Variants in ALDH18A1 observed in about 807,000 individuals in gnomAD.
ALDH18A1 encodes the protein aldehyde dehydrogenase 18 family member A1.
ALDH18A1 carries 44 observed loss-of-function variants against 88.8 expected under a neutral mutation model. The ratio of observed to expected loss-of-function variants is 0.50; its 90% CI spans 0.39 to 0.64. The LOEUF is 0.64. Ranked by LOEUF, ALDH18A1 falls within the 30% of genes least tolerant of loss-of-function variation. ALDH18A1 has a pLI of 0.00. For missense variants in ALDH18A1, 782 were observed against 1,009.5 expected (o/e 0.77, Z 3.05); for synonymous variants, 331 against 372.1 (o/e 0.89, Z 1.27).
At chr10:95,638,107 A>T (rs1350992499) in intron 3 of ALDH18A1, among the ~76,000 whole-genome samples, 2 of 152,070 alleles carry the variant, frequency 1.3e-5, no homozygotes, top group Non-Finnish European at 2.9e-5. Flanking sequence ...TTGGCTGCCT[A>T]GGCTCAAGTG....
chr10:95,607,268 T>G (rs2097824492), intron 17 of ALDH18A1, among the ~76,000 whole-genome samples: 1 of 152,212 alleles, frequency 6.6e-6, no homozygotes, highest in Non-Finnish European at 1.5e-5. Context: ...ATTTTGACAT[T>G]TGGGCATGTT....
chr10:95,625,989 G>A (rs1419882399), intron 10 of ALDH18A1, among the ~76,000 whole-genome samples: 3 of 151,942 alleles, frequency 2.0e-5, no homozygotes, highest in African/African-American at 7.3e-5. Flanking sequence ...TCAGTCCTAG[G>A]TACTTGAAGA....
chr10:95,615,833 T>C (rs570952502), intron 13 of ALDH18A1, among the ~76,000 whole-genome samples: 1 of 152,342 alleles, frequency 6.6e-6, no homozygotes, highest in East Asian at 1.9e-4. Flanking sequence ...CATGTGACTC[T>C]TGGGGAATTA....
In ALDH18A1 at chr10:95,613,819, C is replaced by T. The variant is rs1481144687; in HGVS notation, c.1846G>A (p.Glu616Lys). ...AGATCCCGGTGGATTAACAAAGTCT[C>T]CAAAGCATTACAGGCAGCTGGATAT... ...CEYPAACNAL[E>K]TLLIHRDLLR... The change falls in exon 15 of 18, where the codon GAG becomes AAG. Residue 616 changes from glutamate (E) to lysine (K), a missense_variant. Around this residue, in one of 3 missense-constraint regions of ALDH18A1, gnomAD observed 556 missense variants for 654.5 expected, o/e 0.85. Transcript: ENST00000371224. 3.1e-6 allele frequency: 5 copies of T among 1,614,082 alleles called. No homozygotes were observed. The highest frequency in any genetic ancestry group is 4.2e-6 in the Non-Finnish European group (5 of 1,180,014).
At chr10:95,656,290 T>C (rs572600057) in intron 1 of ALDH18A1, among the ~76,000 whole-genome samples, 10 of 152,202 alleles carry the variant, frequency 6.6e-5, no homozygotes, top group Admixed American at 6.5e-4. Flanking sequence ...GTTCCTTACA[T>C]GGTGTACCCA....
intron 12 of ALDH18A1, among the ~76,000 whole-genome samples, chr10:95,618,997 G>T (rs1404692238): frequency 1.3e-5 from 2 of 152,184 alleles, no homozygotes; most frequent in African/African-American, 4.8e-5. Context: ...AACAACCTGA[G>T]AATAAAGTCT....
At chr10:95,651,848 A>G (rs889467439) in intron 2 of ALDH18A1, among the ~76,000 whole-genome samples, 1 of 152,236 alleles carries the variant, frequency 6.6e-6, no homozygotes, top group Non-Finnish European at 1.5e-5. Flanking sequence ...ATGTAGCTAC[A>G]ATCTGACCCA....
At position 95,625,350 on chromosome 10, in the gene ALDH18A1, C is replaced by T; in HGVS notation, c.1246+12G>A. The T allele has an allele frequency of 1.9e-6, 3 of 1,612,700 alleles. No homozygotes were observed. Among genetic ancestry groups the T allele is most frequent in the Non-Finnish European group, 2.5e-6 (3 of 1,178,798 alleles). On this transcript the variant is annotated intron_variant, in intron 11 of 17. Coordinates refer to ENST00000371224, the MANE Select transcript of ALDH18A1 (RefSeq NM_002860.4). ...CCTCCACAACATTGACTTTAAATTG[C>T]CTGGTCTTTACCCTCTGCCTCCTCC...
chr10:95,620,293 A>G (rs1242442178), intron 12 of ALDH18A1, among the ~76,000 whole-genome samples: 2 of 152,214 alleles, frequency 1.3e-5, no homozygotes, highest in Non-Finnish European at 2.9e-5. Context: ...AAGATGCTGG[A>G]GAGGATGTGG....
At chr10:95,653,487 C>A in intron 1 of ALDH18A1, 82 bp from the exon 2 acceptor site, 1 of 1,207,170 alleles carries the variant, frequency 8.3e-7, no homozygotes, top group South Asian at 1.3e-5. Context: ...CCCTTACCCT[C>A]GGAGTAAAAA....
chr10:95,622,025 T>C (rs775646996), intron 11 of ALDH18A1, among the ~76,000 whole-genome samples: 25 of 152,152 alleles, frequency 1.6e-4, no homozygotes, highest in Admixed American at 1.6e-3. Context: ...TGCACATATA[T>C]GTGTGCACGG....
chr10:95,614,510 G>A (rs546092017), intron 13 of ALDH18A1, among the ~76,000 whole-genome samples: 27 of 152,260 alleles, frequency 1.8e-4, no homozygotes, highest in Non-Finnish European at 3.5e-4. Flanking sequence ...AGCACAAAGG[G>A]GTATCTATGG....
intron 17 of ALDH18A1, among the ~76,000 whole-genome samples, chr10:95,608,889 T>C (rs1400839809): frequency 6.6e-6 from 1 of 152,192 alleles, no homozygotes; most frequent in Admixed American, 6.5e-5. Flanking sequence ...CTGTTTTGTT[T>C]TTTGAGATGG....
At chr10:95,612,555 C>T (rs984983853) in intron 15 of ALDH18A1, among the ~76,000 whole-genome samples, 2 of 152,170 alleles carry the variant, frequency 1.3e-5, no homozygotes, top group Non-Finnish European at 2.9e-5. Context: ...TCCTTGGGGA[C>T]TGGAACCCCA....
At chr10:95,606,993 C>T in intron 17 of ALDH18A1, 50 bp from the exon 18 acceptor site, 2 of 1,588,688 alleles carry the variant, frequency 1.3e-6, no homozygotes, top group Non-Finnish European at 1.7e-6. Flanking sequence ...CCTCTGCTTC[C>T]TGTCCATGCC....
chr10:95,638,007 A>T (rs1473922230), intron 3 of ALDH18A1, among the ~76,000 whole-genome samples: 1 of 126,680 alleles, frequency 7.9e-6, no homozygotes, highest in Non-Finnish European at 1.7e-5. Context: ...CAACAACAAC[A>T]ACACCCTAAG....
At chr10:95,622,547 T>C (rs989640941) in intron 11 of ALDH18A1, among the ~76,000 whole-genome samples, 5 of 152,090 alleles carry the variant, frequency 3.3e-5, no homozygotes, top group African/African-American at 1.2e-4. Context: ...GAATTTTCTA[T>C]ATTTTTTTGA....
At chr10:95,638,900 T>C (rs1313996227) in intron 3 of ALDH18A1, among the ~76,000 whole-genome samples, 1 of 151,754 alleles carries the variant, frequency 6.6e-6, no homozygotes, top group East Asian at 1.9e-4. Flanking sequence ...TGAAACACAG[T>C]CTTGCTTTGT....
chr10:95,651,558 T>C (rs907494651), intron 2 of ALDH18A1, among the ~76,000 whole-genome samples: 2 of 152,210 alleles, frequency 1.3e-5, no homozygotes, highest in Admixed American at 6.5e-5. Context: ...CAGCTTCTGG[T>C]GAGGCCTCAG....
Sources: allele counts gnomAD v4.1 joint callset (sites outside exome capture counted in the v4.1 genomes callset), GRCh38; gene constraint gnomAD v4.1.1; regional missense constraint gnomAD v4.1.1; transcripts MANE v1.5; gene names NCBI Gene and HGNC (gene_info 2026-07-23, HGNC 2026-07-21).